PRTFDC1: variants seen among roughly 807,000 people sequenced by gnomAD.
PRTFDC1 encodes the protein phosphoribosyl transferase domain containing 1, also known as phosphoribosyltransferase domain-containing protein 1.
PRTFDC1 carries 38 observed loss-of-function variants against 34.6 expected under a neutral mutation model. That is an observed-to-expected ratio of 1.10 (90% CI 0.85 to 1.44). The LOEUF (loss-of-function observed/expected upper bound fraction) is 1.44, where lower values mean the gene tolerates loss of function less well. Ranked by LOEUF, PRTFDC1 falls within the 40% of genes most tolerant of loss-of-function variation. PRTFDC1 has a pLI of 0.00. For missense variants in PRTFDC1, 270 were observed against 283.0 expected (o/e 0.95, Z 0.33); for synonymous variants, 93 against 98.1 (o/e 0.95, Z 0.31).
chr10:24,866,608 G>A (rs1333086756), intron 4 of PRTFDC1, among the ~76,000 whole-genome samples: 3 of 152,066 alleles, frequency 2.0e-5, no homozygotes, highest in Non-Finnish European at 4.4e-5. Context: ...AAAAAAATCA[G>A]CCAGAGAGTA....
intron 3 of PRTFDC1, among the ~76,000 whole-genome samples, chr10:24,932,422 A>G (rs975457039): frequency 5.9e-5 from 9 of 151,996 alleles, no homozygotes; most frequent in Non-Finnish European, 1.2e-4. Flanking sequence ...TCTATGAAAA[A>G]GCTATTAGAA....
intron 3 of PRTFDC1, among the ~76,000 whole-genome samples, chr10:24,890,487 A>G (rs1244360252): frequency 6.6e-6 from 1 of 152,206 alleles, no homozygotes; most frequent in Non-Finnish European, 1.5e-5. Context: ...TTGCATTCAG[A>G]TATTGCTAGT....
chr10:24,872,616 A>T (rs886462035), intron 3 of PRTFDC1, among the ~76,000 whole-genome samples: 1 of 151,792 alleles, frequency 6.6e-6, no homozygotes, highest in African/African-American at 2.4e-5. Flanking sequence ...ACCTTCTGAC[A>T]TGAATGATGA....
At chr10:24,921,217 A>G (rs1848782096) in intron 3 of PRTFDC1, among the ~76,000 whole-genome samples, 3 of 152,136 alleles carry the variant, frequency 2.0e-5, no homozygotes, top group African/African-American at 7.2e-5. Flanking sequence ...AATTATCTTA[A>G]TATGAAGATG....
chr10:24,861,306 G>A (rs1030437652), intron 4 of PRTFDC1, among the ~76,000 whole-genome samples: 2 of 152,214 alleles, frequency 1.3e-5, no homozygotes, highest in Admixed American at 1.3e-4. Flanking sequence ...TTCGAGAGCA[G>A]CCTGGCCAGT....
chr10:24,860,824 G>A (rs1015536884), intron 4 of PRTFDC1, among the ~76,000 whole-genome samples: 1 of 152,174 alleles, frequency 6.6e-6, no homozygotes, highest in African/African-American at 2.4e-5. Flanking sequence ...CTTGATATGT[G>A]CATTTTTAGT....
intron 3 of PRTFDC1, among the ~76,000 whole-genome samples, chr10:24,929,052 A>AAAAAAG (rs1554765607): frequency 0.25 from 29,254 of 116,260 alleles, 5,038 homozygotes; most frequent in Non-Finnish European, 0.34. Context: ...AAAAAAAAAA[A>AAAAAAG]AAAGAAAGAA....
At chr10:24,927,131 T>G (rs1193519808) in intron 3 of PRTFDC1, among the ~76,000 whole-genome samples, 1 of 152,228 alleles carries the variant, frequency 6.6e-6, no homozygotes, top group Admixed American at 6.5e-5. Flanking sequence ...TAAACTTGCC[T>G]AGAGCAATGC....
rs762662867 is a variant in PRTFDC1 at position 24,857,029 on chromosome 10, G to A, written c.424-34C>T. On this transcript the variant is annotated intron_variant, in intron 5 of 8. Transcript: ENST00000320152. ...AAAGGACAGATAAATTCAACAAAAT[G>A]CATTTGAGCAGCACAATAGACTTTT... 1.5e-5 allele frequency: 23 copies of A among 1,527,666 alleles called. No homozygotes were observed. The East Asian group carries it at 4.9e-4, about 33-fold the overall frequency. The allele number at this position is 1,527,666 out of a possible 1,614,324, so 94.6% of individuals were successfully genotyped here.
intron 3 of PRTFDC1, among the ~76,000 whole-genome samples, chr10:24,875,644 T>G (rs1847950087): frequency 6.6e-6 from 1 of 152,180 alleles, no homozygotes; most frequent in African/African-American, 2.4e-5. Context: ...ATTGTTCCAA[T>G]ATAATTTATG....
intron 3 of PRTFDC1, among the ~76,000 whole-genome samples, chr10:24,885,473 T>C (rs1044081746): frequency 1.5e-4 from 23 of 152,208 alleles, no homozygotes; most frequent in African/African-American, 5.1e-4. Flanking sequence ...TGGCATGACC[T>C]TGGCTCACAG....
chr10:24,941,100 C>T (rs1849149221), intron 2 of PRTFDC1, among the ~76,000 whole-genome samples: 2 of 151,852 alleles, frequency 1.3e-5, no homozygotes, highest in Admixed American at 6.6e-5. Flanking sequence ...GTTCCCCAGG[C>T]TACAGTGCAG....
intron 3 of PRTFDC1, among the ~76,000 whole-genome samples, chr10:24,886,669 C>T (rs1848169669): frequency 6.6e-6 from 1 of 152,154 alleles, no homozygotes; most frequent in Non-Finnish European, 1.5e-5. Context: ...TGGAGTGCAA[C>T]GGTGCTATCA....
chr10:24,879,983 C>T (rs1345120275), intron 3 of PRTFDC1, among the ~76,000 whole-genome samples: 5 of 152,118 alleles, frequency 3.3e-5, no homozygotes, highest in Admixed American at 6.5e-5. Context: ...TGGCATCTCA[C>T]GAATTCAGGG....
At chr10:24,915,019 C>T (rs534430993) in intron 3 of PRTFDC1, among the ~76,000 whole-genome samples, 4 of 152,238 alleles carry the variant, frequency 2.6e-5, no homozygotes, top group African/African-American at 7.2e-5. Context: ...TGGGTGCAAT[C>T]GAACCCTAAA....
chr10:24,866,360 CAAA>C (rs372329425), intron 4 of PRTFDC1, among the ~76,000 whole-genome samples: 2 of 51,778 alleles, frequency 3.9e-5, no homozygotes, highest in Non-Finnish European at 4.1e-5. Context: ...GATTCTGCCT[CAAA>C]AAAAAAAAAA....
intron 3 of PRTFDC1, among the ~76,000 whole-genome samples, chr10:24,912,208 G>T (rs1848636043): frequency 1.6e-5 from 2 of 127,952 alleles, no homozygotes; most frequent in Non-Finnish European, 3.1e-5. Context: ...GGCAGAGGTT[G>T]CAGTGAGCAG....
intron 4 of PRTFDC1, among the ~76,000 whole-genome samples, chr10:24,864,071 T>C (rs1041868969): frequency 2.7e-5 from 4 of 145,900 alleles, no homozygotes; most frequent in Non-Finnish European, 6.0e-5. Context: ...GTGGTGGCAA[T>C]AGCAAGAGAA....
intron 3 of PRTFDC1, among the ~76,000 whole-genome samples, chr10:24,906,798 C>T (rs1194338746): frequency 1.3e-5 from 2 of 152,214 alleles, no homozygotes; most frequent in African/African-American, 4.8e-5. Flanking sequence ...CTTGAGGGCT[C>T]TGAGCTACCT....
Sources: gnomAD v4.1 joint callset for allele counts (sites outside exome capture counted in the v4.1 genomes callset) on GRCh38, gnomAD v4.1.1 for gene constraint, MANE v1.5 for transcripts, NCBI Gene and HGNC (gene_info 2026-07-23, HGNC 2026-07-21) for gene names.